Variants in ABL1 observed in about 807,000 individuals in gnomAD.
The protein encoded by ABL1 is tyrosine-protein kinase ABL1.
In ABL1, 11 loss-of-function variants were observed where a neutral mutation model predicts 94.7. The ratio of observed to expected loss-of-function variants is 0.12; its 90% confidence interval spans 0.07 to 0.19. The LOEUF (loss-of-function observed/expected upper bound fraction) is 0.19, where lower values mean the gene tolerates loss of function less well. Ranked by LOEUF, ABL1 falls within the 10% of genes least tolerant of loss-of-function variation. The pLI, the probability that ABL1 is intolerant of heterozygous loss-of-function variation, is 1.00. For synonymous variants in ABL1, 656 were observed against 622.4 expected, an observed-to-expected ratio of 1.05 and a Z score of -0.80; for missense variants, 1,082 against 1,489.4, an observed-to-expected ratio of 0.73 and a Z score of 4.50.
chr9:130,757,253 CT>C (rs935172382), intron 1 of ABL1, among the ~76,000 whole-genome samples: 8 of 152,176 alleles, frequency 5.3e-5, no homozygotes, highest in African/African-American at 1.9e-4. Flanking sequence ...GCATTAAGTC[CT>C]GTTTTCCTAT....
At chr9:130,875,142 C>T in intron 7 of ABL1, 90 bp downstream of exon 7, 1 of 1,402,190 alleles carries the variant, frequency 7.1e-7, no homozygotes. Context: ...TCTTTTCTTC[C>T]TTTCTTTTTG....
intron 10 of ABL1, among the ~76,000 whole-genome samples, chr9:130,881,877 T>TAAAAA (rs142934106): frequency 7.2e-6 from 1 of 138,502 alleles, no homozygotes; most frequent in Non-Finnish European, 1.6e-5. Context: ...CTCTCATTAG[T>TAAAAA]AAAAAAAAAA....
intron 1 of ABL1, among the ~76,000 whole-genome samples, chr9:130,775,881 C>G (rs535210943): frequency 6.6e-6 from 1 of 152,192 alleles, no homozygotes; most frequent in East Asian, 1.9e-4. Flanking sequence ...TTCTCTACAG[C>G]AACGATGGAA....
intron 7 of ABL1, among the ~76,000 whole-genome samples, chr9:130,876,357 A>G (rs920914849): frequency 5.3e-5 from 8 of 151,674 alleles, no homozygotes; most frequent in Non-Finnish European, 1.2e-4. Context: ...AGCAGGGTCA[A>G]TTCTTGCTTC....
At chr9:130,771,752 C>CTTTCTTTCTTTCTTTCTTTTTTTTTTT (rs530081755) in intron 1 of ABL1, among the ~76,000 whole-genome samples, 1 of 106,924 alleles carries the variant, frequency 9.4e-6, no homozygotes, top group African/African-American at 3.5e-5. Context: ...TTCTTTCTTT[C>CTTTCTTTCTTTCTTTCTTTTTTTTTTT]TTTTTTTTTT....
At chr9:130,808,907 T>C (rs1316418631) in intron 1 of ABL1, among the ~76,000 whole-genome samples, 1 of 152,202 alleles carries the variant, frequency 6.6e-6, no homozygotes, top group East Asian at 1.9e-4. Flanking sequence ...CTGAAGTTAT[T>C]AGGTCTAAGG....
chr9:130,777,149 A>C (rs1829671944), intron 1 of ABL1, among the ~76,000 whole-genome samples: 2 of 152,308 alleles, frequency 1.3e-5, no homozygotes, highest in South Asian at 4.1e-4. Flanking sequence ...GATTATCTCC[A>C]GTTTCCTGAA....
At chr9:130,839,571 T>A (rs926867884) in intron 1 of ABL1, among the ~76,000 whole-genome samples, 4 of 152,214 alleles carry the variant, frequency 2.6e-5, no homozygotes, top group Non-Finnish European at 5.9e-5. Flanking sequence ...CCCTGAGGTT[T>A]CTAGAAAAGA....
chr9:130,730,830 C>T (rs1458684991), intron 1 of ABL1, among the ~76,000 whole-genome samples: 1 of 151,948 alleles, frequency 6.6e-6, no homozygotes, highest in Non-Finnish European at 1.5e-5. Context: ...CCTCGGCCTT[C>T]CAAAGTGCTG....
In ABL1 at chr9:130,880,471, T is replaced by G. The variant is rs1588281000; in HGVS notation, c.1514-29T>G. 1 of 1,612,798 alleles carries G rather than the reference T, an allele frequency of 6.2e-7. No homozygotes were observed. The highest frequency in any genetic ancestry group is 8.5e-7 in the Non-Finnish European group (1 of 1,179,360). On this transcript the variant is annotated intron_variant, in intron 9 of 10. Transcript: ENST00000318560. This position sits in a 1 kb window ranked among gnomAD's most constrained non-coding sequence, Gnocchi z 4.4. ...ACACCAGTACTGATGGCTGCTGGAT[T>G]TTTGTTTCTGTCCCTGTATGATTCT...
chr9:130,745,230 A>G (rs1027633240), intron 1 of ABL1, among the ~76,000 whole-genome samples: 3 of 151,876 alleles, frequency 2.0e-5, no homozygotes, highest in South Asian at 2.1e-4. Context: ...GATTACAGGC[A>G]TGCGCCGCCA....
rs542228925 is a variant in ABL1 at position 130,722,155 on chromosome 9, G to C, written c.136+7700G>C. On this transcript the variant is annotated intron_variant, in intron 1 of 10. Transcript: ENST00000372348. The stretch of plus-strand genomic sequence containing the variant: ...CGCCTGTAATCCCAGCACTTTGGGA[G>C]GCTGAGGCGGGTGGATCACCTGAAG... Among the ~76,000 whole-genome samples the C allele has an allele frequency of 3.3e-5, 5 of 152,126 alleles. 1 individual carries two copies. In the East Asian group the frequency reaches 9.8e-4, roughly 30 times the overall value.
Position 130,754,373 on chromosome 9 carries a change from T to C in ABL1, c.136+39918T>C, listed in dbSNP as rs1832014646. Among the ~76,000 whole-genome samples the C allele has an allele frequency of 2.7e-5, 4 of 148,280 alleles. No homozygotes were observed. The South Asian group carries it at 8.6e-4, about 32-fold the overall frequency. ...AATACAAAAAATTAGCCAGGCGTGG[T>C]GGCGGGCACCTGTAGTCCCAGCTAC... On this transcript the variant is annotated intron_variant, in intron 1 of 10. Coordinates refer to the ABL1 transcript ENST00000372348.
chr9:130,715,863 G>A (rs1347349087), intron 1 of ABL1, among the ~76,000 whole-genome samples: 1 of 152,102 alleles, frequency 6.6e-6, no homozygotes, highest in African/African-American at 2.4e-5. Flanking sequence ...TGTTAATAGA[G>A]TACCAAGGTC....
At chr9:130,848,180 A>G (rs1436863234) in intron 1 of ABL1, among the ~76,000 whole-genome samples, 3 of 152,126 alleles carry the variant, frequency 2.0e-5, no homozygotes, top group African/African-American at 7.2e-5. Flanking sequence ...CCTCCCCAGC[A>G]TGCTTTTTCA....
chr9:130,883,986 C>A lies in ABL1; in HGVS notation c.1696C>A (p.Pro566Thr), dbSNP rs780626314. The A allele has an allele frequency of 6.2e-6, 10 of 1,612,436 alleles. No homozygotes were observed. Among genetic ancestry groups the A allele is most frequent in the Non-Finnish European group, 8.5e-6 (10 of 1,179,534 alleles). The part of the protein sequence containing the change: ...QGESDPLDHE[P>T]AVSPLLPRKE... ...CGTTTCAGATCCTCTGGACCATGAG[C>A]CTGCCGTGTCTCCATTGCTCCCTCG... is the stretch of plus-strand genomic sequence containing the variant. The change falls in exon 11 of 11, where the codon CCT becomes ACT. Residue 566 changes from proline (P) to threonine (T), a missense_variant. This residue lies in a region of ABL1 where 780 missense variants were observed against 835.8 expected (regional missense o/e 0.93). Transcript: ENST00000318560.
rs1022786703 is a variant in ABL1 at position 130,853,956 on chromosome 9, T to C, written c.80-108T>C. 25 of 1,113,540 alleles carry C rather than the reference T, an allele frequency of 2.2e-5. No individual in the cohort carries two copies. In the South Asian group the frequency reaches 3.9e-4, roughly 18 times the overall value. 69.0% of individuals were successfully genotyped at this position (1,113,540 alleles called of 1,614,324 possible). On this transcript the variant is annotated intron_variant, in intron 1 of 10. Coordinates refer to ENST00000318560, the MANE Select transcript of ABL1 (RefSeq NM_005157.6). ...CAGATGTTAAGAAATGAAATAGGAA[T>C]GTGTAATGTTGGAAACACAAATATT...
chr9:130,715,491 G>C (rs1391495288), intron 1 of ABL1, among the ~76,000 whole-genome samples: 4 of 152,142 alleles, frequency 2.6e-5, no homozygotes, highest in African/African-American at 9.7e-5. Context: ...ACTTTCTTAC[G>C]GGAAAATATT....
chr9:130,728,059 T>A (rs1385779851), intron 1 of ABL1, among the ~76,000 whole-genome samples: 1 of 151,882 alleles, frequency 6.6e-6, no homozygotes, highest in African/African-American at 2.4e-5. Context: ...AGTTTTTGCC[T>A]CTTTTTTTGT....
Sources: allele counts gnomAD v4.1 joint callset (sites outside exome capture counted in the v4.1 genomes callset), GRCh38; gene constraint gnomAD v4.1.1; regional missense constraint gnomAD v4.1.1; non-coding constraint Gnocchi (gnomAD v3.1); transcripts MANE v1.5; gene names NCBI Gene and HGNC (gene_info 2026-07-23, HGNC 2026-07-21).